Variants in RALYL observed in about 807,000 individuals in gnomAD.
RALYL encodes RALY RNA binding protein like, also known as RNA-binding Raly-like protein.
Under a neutral mutation model 35.1 loss-of-function variants are expected in RALYL, and 29 were observed. That is an observed-to-expected ratio of 0.83 (90% CI 0.61 to 1.13). The LOEUF (loss-of-function observed/expected upper bound fraction) is 1.13. Among genes scored for constraint, RALYL ranks in the 50% most tolerant of loss-of-function variants. RALYL has a pLI of 0.00. For synonymous variants in RALYL, 120 were observed against 127.6 expected (o/e 0.94, Z 0.40); for missense variants, 359 against 360.4 (o/e 1.00, Z 0.03).
chr8:84,727,953 T>C lies in RALYL; in HGVS notation c.257-46626T>C, dbSNP rs570156363. 1.1e-3 allele frequency among the ~76,000 whole-genome samples: 169 copies of C among 152,182 alleles called. 1 individual carries two copies. The highest frequency in any genetic ancestry group is 3.9e-3 in the African/African-American group (163 of 41,478). On this transcript the variant is annotated intron_variant, in intron 2 of 8. Transcript: ENST00000521268. Reference sequence around the variant, plus strand: ...AAACATACATGTGCATGTGTCTTTATAGCAGCATGATTTATCGTCCTTTGG... The same window carrying C: ...AAACATACATGTGCATGTGTCTTTACAGCAGCATGATTTATCGTCCTTTGG...
intron 2 of RALYL, among the ~76,000 whole-genome samples, chr8:84,623,370 T>C (rs969985958): frequency 6.6e-5 from 10 of 152,184 alleles, no homozygotes; most frequent in African/African-American, 2.2e-4. Flanking sequence ...TCAAAGGGCA[T>C]ATCTTGATAT....
intron 2 of RALYL, among the ~76,000 whole-genome samples, chr8:84,625,372 T>C (rs904081662): frequency 7.2e-5 from 11 of 152,136 alleles, no homozygotes; most frequent in Non-Finnish European, 1.6e-4. Flanking sequence ...TAAATTTTAG[T>C]AGATGAGAAG....
intron 2 of RALYL, among the ~76,000 whole-genome samples, chr8:84,590,983 C>A (rs1467482809): frequency 2.0e-5 from 3 of 152,006 alleles, no homozygotes; most frequent in Non-Finnish European, 4.4e-5. Flanking sequence ...TTCTATATAA[C>A]AAATTTTATA....
In RALYL at chr8:84,467,648, G is replaced by A. The variant is rs200223871; in HGVS notation, c.-23-61651G>A. ...ATTTGGGGTGGACAGTTCTGTAGATGTCTATTAGGTCCACTTGGTGCTGAG... is the reference window on the plus strand; with the variant it reads ...ATTTGGGGTGGACAGTTCTGTAGATATCTATTAGGTCCACTTGGTGCTGAG... On this transcript the variant is annotated intron_variant, in intron 1 of 8. Coordinates refer to ENST00000521268, the MANE Select transcript of RALYL (RefSeq NM_173848.7). Among the ~76,000 whole-genome samples, 5 of 152,044 alleles carry A rather than the reference G, an allele frequency of 3.3e-5. No homozygotes were observed. In the East Asian group the frequency reaches 7.7e-4, roughly 23 times the overall value.
intron 3 of RALYL, among the ~76,000 whole-genome samples, chr8:84,789,541 A>G (rs185072734): frequency 4.0e-5 from 6 of 150,716 alleles, no homozygotes; most frequent in African/African-American, 1.5e-4. Context: ...TAGAGGATCG[A>G]AAAAAAAACA....
intron 1 of RALYL, among the ~76,000 whole-genome samples, chr8:84,282,810 C>A (rs1339312442): frequency 6.6e-6 from 1 of 150,592 alleles, no homozygotes; most frequent in African/African-American, 2.4e-5. Context: ...TCTATAAAAT[C>A]AGTTGAGTAT....
intron 8 of RALYL, among the ~76,000 whole-genome samples, chr8:84,918,341 A>C (rs1489804330): frequency 6.6e-6 from 1 of 152,052 alleles, no homozygotes; most frequent in Non-Finnish European, 1.5e-5. Flanking sequence ...TGTGCCTTCC[A>C]TGTAGATTAA....
At chr8:84,490,713 A>G (rs1044243743) in intron 1 of RALYL, among the ~76,000 whole-genome samples, 3 of 150,290 alleles carry the variant, frequency 2.0e-5, no homozygotes, top group South Asian at 4.2e-4. Context: ...AAATATATAT[A>G]TTTTTATTAT....
At chr8:84,774,415 T>C (rs1816335304) in intron 2 of RALYL, among the ~76,000 whole-genome samples, 164 bp from the exon 3 acceptor site, 1 of 152,154 alleles carries the variant, frequency 6.6e-6, no homozygotes, top group Non-Finnish European at 1.5e-5. Context: ...TCCCAAACAG[T>C]GCCTGACATA....
chr8:84,595,874 A>G (rs1293881652), intron 2 of RALYL, among the ~76,000 whole-genome samples: 1 of 151,236 alleles, frequency 6.6e-6, no homozygotes, highest in African/African-American at 2.4e-5. Context: ...CCACACGCTC[A>G]TGGGAACAGC....
intron 2 of RALYL, among the ~76,000 whole-genome samples, chr8:84,634,108 T>A (rs2131283071): frequency 6.6e-6 from 1 of 152,034 alleles, no homozygotes; most frequent in Admixed American, 6.6e-5. Flanking sequence ...ACTTTTATAT[T>A]GTTAGATTAG....
At chr8:84,796,915 T>C (rs1051392859) in intron 3 of RALYL, among the ~76,000 whole-genome samples, 7 of 152,206 alleles carry the variant, frequency 4.6e-5, no homozygotes, top group African/African-American at 1.7e-4. Context: ...GTTCTTTATC[T>C]TTTCTTAAGA....
At chr8:84,688,664 G>T (rs1837346768) in intron 2 of RALYL, among the ~76,000 whole-genome samples, 1 of 151,902 alleles carries the variant, frequency 6.6e-6, no homozygotes, top group Admixed American at 6.6e-5. Context: ...ACATTAATCT[G>T]GGCAATGCTT....
chr8:84,437,223 C>A (rs1487775680), intron 1 of RALYL, among the ~76,000 whole-genome samples: 1 of 152,086 alleles, frequency 6.6e-6, no homozygotes, highest in Non-Finnish European at 1.5e-5. Context: ...AGCTGTGTAG[C>A]ATTTCATGGT....
chr8:84,511,603 T>C (rs776209483), intron 1 of RALYL, among the ~76,000 whole-genome samples: 1 of 152,192 alleles, frequency 6.6e-6, no homozygotes, highest in African/African-American at 2.4e-5. Flanking sequence ...TATGTTATTG[T>C]TTATAATAGT....
intron 2 of RALYL, among the ~76,000 whole-genome samples, chr8:84,689,818 C>A (rs991320864): frequency 6.6e-6 from 1 of 152,090 alleles, no homozygotes; most frequent in African/African-American, 2.4e-5. Flanking sequence ...TTGCATTTCT[C>A]TGATGGCCAG....
intron 8 of RALYL, among the ~76,000 whole-genome samples, chr8:84,894,144 T>G (rs1844342041): frequency 6.6e-6 from 1 of 152,182 alleles, no homozygotes. Context: ...TGATCAGTAT[T>G]CTTGGTCTTT....
At chr8:84,278,698 G>A (rs750777853) in intron 1 of RALYL, among the ~76,000 whole-genome samples, 1 of 152,170 alleles carries the variant, frequency 6.6e-6, no homozygotes, top group Non-Finnish European at 1.5e-5. Flanking sequence ...CCTTTGCATA[G>A]CAAGAGTGGC....
intron 4 of RALYL, among the ~76,000 whole-genome samples, chr8:84,846,923 T>C (rs563241887): frequency 2.0e-5 from 3 of 152,350 alleles, no homozygotes; most frequent in Admixed American, 2.0e-4. Flanking sequence ...TGATCTTTTG[T>C]GTAGATTTTC....
Sources: gnomAD v4.1 joint callset for allele counts (sites outside exome capture counted in the v4.1 genomes callset) on GRCh38, gnomAD v4.1.1 for gene constraint, MANE v1.5 for transcripts, NCBI Gene and HGNC (gene_info 2026-07-23, HGNC 2026-07-21) for gene names.